Variants in CEP43 observed in about 807,000 individuals in gnomAD.
CEP43 encodes FGFR1 oncogene partner.
Under a neutral mutation model 52.6 loss-of-function variants are expected in CEP43, and 36 were observed. The observed-to-expected ratio is 0.68, with a 90% CI of 0.52 to 0.90. The LOEUF (loss-of-function observed/expected upper bound fraction) is 0.90, where lower values mean the gene tolerates loss of function less well. Among genes scored for constraint, CEP43 ranks in the 40% least tolerant of loss-of-function variants. CEP43 has a pLI of 0.00. For synonymous variants in CEP43, 192 were observed against 172.4 expected (o/e 1.11, Z -0.89); for missense variants, 506 against 472.8 (o/e 1.07, Z -0.65).
At chr6:167,017,324 A>G (rs1332748045) in intron 7 of CEP43, among the ~76,000 whole-genome samples, 1 of 152,166 alleles carries the variant, frequency 6.6e-6, no homozygotes, top group Non-Finnish European at 1.5e-5. Context: ...AAATAATGGT[A>G]TACAACTGTC....
At chr6:167,008,918 A>C (rs1779915916) in intron 5 of CEP43, among the ~76,000 whole-genome samples, 1 of 152,158 alleles carries the variant, frequency 6.6e-6, no homozygotes, top group Non-Finnish European at 1.5e-5. Flanking sequence ...AACACATAAG[A>C]AGGCAAATCT....
intron 7 of CEP43, among the ~76,000 whole-genome samples, chr6:167,015,788 T>A (rs1780083393): frequency 6.9e-6 from 1 of 144,486 alleles, no homozygotes; most frequent in Non-Finnish European, 1.5e-5. Context: ...ATATGTATAG[T>A]TAGAATTGAT....
In CEP43 at chr6:167,037,517, A is replaced by G. The variant is rs371696502; in HGVS notation, c.1126-2387A>G. Among the ~76,000 whole-genome samples the G allele has an allele frequency of 5.3e-4, 80 of 152,364 alleles. No homozygotes were observed. In the Middle Eastern group the frequency reaches 0.01, roughly 19 times the overall value. On this transcript the variant is annotated intron_variant, in intron 12 of 12. Transcript: ENST00000366847. ...TTTGTGTAAATTGGATTTGAATTGAATGCATAAGAACTGTAATTAAGATTC... is the reference window on the plus strand; with the variant it reads ...TTTGTGTAAATTGGATTTGAATTGAGTGCATAAGAACTGTAATTAAGATTC...
chr6:167,022,656 CTA>C, intron 8 of CEP43, 21 bp downstream of exon 8: 2 of 1,474,064 alleles, frequency 1.4e-6, no homozygotes, highest in Non-Finnish European at 1.9e-6. Flanking sequence ...GGTTTTTGAG[CTA>C]TGAGACTAGG....
chr6:167,022,294 ACAAAGGTTG>A, intron 7 of CEP43, 106 bp from the exon 8 acceptor site: 9 of 681,320 alleles, frequency 1.3e-5, no homozygotes, highest in South Asian at 1.9e-5. Context: ...ACACACACAC[ACAAAGGTTG>A]CACACACACA....
At chr6:167,019,888 C>T (rs1422615060) in intron 7 of CEP43, among the ~76,000 whole-genome samples, 1 of 152,040 alleles carries the variant, frequency 6.6e-6, no homozygotes, top group Non-Finnish European at 1.5e-5. Flanking sequence ...CATAATATTG[C>T]TTTACATTTA....
chr6:167,004,231 T>G lies in CEP43; in HGVS notation c.301-33T>G, dbSNP rs183464060. On this transcript the variant is annotated intron_variant, in intron 4 of 12. Coordinates refer to ENST00000366847, the MANE Select transcript of CEP43 (RefSeq NM_007045.4). The stretch of plus-strand genomic sequence containing the variant: ...TCCTTGAGAATAACTTCTGCTATTT[T>G]TTTGTGCACTTGTATTTTAACTTCT... The G allele has an allele frequency of 1.8e-3, 2,887 of 1,578,372 alleles. 7 individuals are homozygous for G. The highest frequency in any genetic ancestry group is 2.1e-3 in the Non-Finnish European group (2,435 of 1,165,352).
rs1780529325 is a variant in CEP43 at position 167,033,983 on chromosome 6, T to G, written c.1125+12T>G. 7.5e-7 allele frequency: 1 copy of G among 1,330,524 alleles called. No individual in the cohort carries two copies. Among genetic ancestry groups the G allele is most frequent in the Non-Finnish European group, 1.0e-6 (1 of 956,528 alleles). The allele number at this position is 1,330,524 out of a possible 1,614,324, so 82.4% of individuals were successfully genotyped here. ...ATACCAGTGATAAGGTATGGTGTTCTGCATTTCCCATAGAGTGCTTTTTTT... is the reference window on the plus strand; with the variant it reads ...ATACCAGTGATAAGGTATGGTGTTCGGCATTTCCCATAGAGTGCTTTTTTT... On this transcript the variant is annotated intron_variant, in intron 12 of 12. Coordinates refer to ENST00000366847, the MANE Select transcript of CEP43 (RefSeq NM_007045.4).
Position 167,041,363 on chromosome 6 carries a change from G to A in CEP43, c.*1385G>A, listed in dbSNP as rs1339216638. 8 of 1,059,428 alleles carry A rather than the reference G, an allele frequency of 7.6e-6. No individual in the cohort carries two copies. The highest frequency in any genetic ancestry group is 9.1e-6 in the Non-Finnish European group (8 of 875,616). 65.6% of individuals were successfully genotyped at this position (1,059,428 alleles called of 1,614,324 possible). A position where few individuals can be genotyped will look rare whatever the true frequency, so the allele number is the denominator to read the frequency against. On this transcript the variant is annotated 3_prime_UTR_variant, in exon 13 of 13. Transcript: ENST00000366847. ...AAGCTGTAAACATCAAGAGGAAGTAGGACATAAACTGGGCCGGTACAGCCT... is the reference window on the plus strand; with the variant it reads ...AAGCTGTAAACATCAAGAGGAAGTAAGACATAAACTGGGCCGGTACAGCCT...
At chr6:167,006,375 C>A (rs779595403) in intron 5 of CEP43, among the ~76,000 whole-genome samples, 1 of 152,012 alleles carries the variant, frequency 6.6e-6, no homozygotes, top group African/African-American at 2.4e-5. Context: ...ATTAGCTGGG[C>A]GCGGTGGTGT....
intron 12 of CEP43, among the ~76,000 whole-genome samples, chr6:167,038,691 TTAG>T (rs1393574077): frequency 1.3e-5 from 2 of 152,236 alleles, no homozygotes; most frequent in Non-Finnish European, 2.9e-5. Flanking sequence ...TTGTACTAAC[TTAG>T]TAGACATGAT....
chr6:167,022,297 A>G lies in CEP43; in HGVS notation c.580-112A>G. On this transcript the variant is annotated intron_variant, in intron 7 of 12. Coordinates refer to ENST00000366847, the MANE Select transcript of CEP43 (RefSeq NM_007045.4). ...ACACACACACACACACACACACACA[A>G]AGGTTGCACACACACAGGTTTGATT... The G allele has an allele frequency of 5.0e-6, 3 of 600,968 alleles. No individual in the cohort carries two copies. The South Asian group carries it at 6.0e-5, about 12-fold the overall frequency. 37.2% of individuals were successfully genotyped at this position (600,968 alleles called of 1,614,324 possible). A position where few individuals can be genotyped will look rare whatever the true frequency, so the allele number is the denominator to read the frequency against.
intron 12 of CEP43, among the ~76,000 whole-genome samples, chr6:167,038,998 T>C (rs754987974): frequency 2.6e-5 from 4 of 152,210 alleles, no homozygotes; most frequent in African/African-American, 4.8e-5. Context: ...ATCATTCTTA[T>C]GCCATTGCAT....
chr6:167,015,244 A>G (rs1309141710), intron 7 of CEP43, among the ~76,000 whole-genome samples: 3 of 152,200 alleles, frequency 2.0e-5, no homozygotes, highest in South Asian at 2.1e-4. Context: ...TGCTTCCTCA[A>G]TTACTTGGAA....
chr6:167,039,778 AT>A, intron 12 of CEP43, 125 bp from the exon 13 acceptor site: 1 of 944,706 alleles, frequency 1.1e-6, no homozygotes, highest in South Asian at 1.6e-5. Context: ...TTATTTTTTG[AT>A]TTTTTGATTA....
intron 6 of CEP43, 114 bp downstream of exon 6, chr6:167,011,007 G>T: frequency 2.0e-6 from 1 of 497,494 alleles, no homozygotes; most frequent in Non-Finnish European, 3.4e-6. Flanking sequence ...AAACACATGG[G>T]CTCTTTAGTT....
intron 12 of CEP43, chr6:167,036,578 A>G (rs1483763721): frequency 6.1e-6 from 6 of 985,284 alleles, no homozygotes; most frequent in Non-Finnish European, 7.2e-6. Flanking sequence ...AAACGTGAAC[A>G]TTTACACTTC....
intron 10 of CEP43, chr6:167,028,587 T>C (rs1056676096): frequency 2.9e-6 from 2 of 686,480 alleles, no homozygotes; most frequent in Non-Finnish European, 3.6e-6. Context: ...CAGATGTTAG[T>C]GGACCAGCCT....
chr6:167,017,086 C>T (rs1780118924), intron 7 of CEP43, among the ~76,000 whole-genome samples: 1 of 151,490 alleles, frequency 6.6e-6, no homozygotes, highest in South Asian at 2.1e-4. Flanking sequence ...AGCTCCGCCT[C>T]CCGGGTTCAC....
Sources: gnomAD v4.1 joint callset for allele counts (sites outside exome capture counted in the v4.1 genomes callset) on GRCh38, gnomAD v4.1.1 for gene constraint, MANE v1.5 for transcripts, NCBI Gene and HGNC (gene_info 2026-07-23, HGNC 2026-07-21) for gene names.